The following TAF1 variants were observed in gnomAD, a reference collection of about 807,000 sequenced individuals.
TAF1 encodes TATA-box binding protein associated factor 1, also known as transcription initiation factor TFIID subunit 1.
In TAF1, 2 loss-of-function variants were observed where a neutral mutation model predicts 138.5. The ratio of observed to expected loss-of-function variants is 0.01; its 90% CI spans 0.01 to 0.05. The LOEUF (loss-of-function observed/expected upper bound fraction) is 0.05. TAF1 is among the 10% of genes least tolerant of loss of function. The pLI, the probability that TAF1 is intolerant of heterozygous loss-of-function variation, is 1.00. For missense variants in TAF1, 709 were observed against 1,478.0 expected, an observed-to-expected ratio of 0.48 and a Z score of 8.53; for synonymous variants, 437 against 503.2, an observed-to-expected ratio of 0.87 and a Z score of 1.76.
chrX:71,498,386 T>G (rs772415537), intron 13 of TAF1, among the ~76,000 whole-genome samples: 284 of 112,008 alleles, frequency 2.5e-3, no homozygotes, highest in Non-Finnish European at 4.4e-3. Context: ...ATAGAGGAAT[T>G]ACTGCCTCAT....
chrX:71,371,087 T>G (rs1297112637), intron 3 of TAF1, among the ~76,000 whole-genome samples: 1 of 111,819 alleles, frequency 8.9e-6, no homozygotes, highest in Non-Finnish European at 1.9e-5. Flanking sequence ...AGTTATAATT[T>G]CCAGGTTTGT....
At chrX:71,444,288 G>A (rs751345174) in intron 32 of TAF1, among the ~76,000 whole-genome samples, 1 of 112,425 alleles carries the variant, frequency 8.9e-6, no homozygotes, top group East Asian at 2.8e-4. Flanking sequence ...GACTACAGTC[G>A]TGAGCCACCT....
chrX:71,422,677 C>T (rs1390182573), intron 29 of TAF1, among the ~76,000 whole-genome samples: 1 of 110,831 alleles, frequency 9.0e-6, no homozygotes, highest in African/African-American at 3.3e-5. Context: ...TTCAAAGTTA[C>T]ACTTTCTGGG....
chrX:71,393,164 G>T, intron 20 of TAF1, 137 bp from the exon 21 acceptor site: 1 of 1,069,727 alleles, frequency 9.3e-7, no homozygotes, highest in South Asian at 2.3e-5. Context: ...GCTTTGGGGT[G>T]ATTTTTCTTT....
At chrX:71,530,173 TCTTTA>T (rs1318676465) in exon 15 of TAF1, 1 of 130,662 alleles carries the variant, frequency 7.7e-6, no homozygotes, top group African/African-American at 3.2e-5. Flanking sequence ...ATCAGTTTCT[TCTTTA>T]CTTTTATTCA....
rs779870273 is a variant in TAF1 at position 71,463,920 on chromosome X, TGAG to T, written c.5505_5507del (p.Glu1837del). On this transcript the variant is annotated inframe_deletion, in exon 38 of 38. Transcript: ENST00000423759. ...ATGAGGTATCAGAGGAGGAAGAAGA[TGAG>T]GAGGAGGAAGAGCAGCGCTCTGGGC... 32 of 1,207,231 alleles carry T rather than the reference TGAG, an allele frequency of 2.7e-5. No individual in the cohort carries two copies. Among genetic ancestry groups the T allele is most frequent in the South Asian group, 2.0e-4 (11 of 56,176 alleles).
intron 32 of TAF1, among the ~76,000 whole-genome samples, chrX:71,439,235 A>G (rs1421466853): frequency 9.0e-6 from 1 of 111,431 alleles, no homozygotes; most frequent in African/African-American, 3.3e-5. Flanking sequence ...TCACTCATTT[A>G]CAATTTCCAA....
At chrX:71,382,709 G>C in intron 10 of TAF1, 46 bp downstream of exon 10, 1 of 1,203,812 alleles carries the variant, frequency 8.3e-7, no homozygotes, top group Non-Finnish European at 1.1e-6. Flanking sequence ...AACAAAGAAA[G>C]GTAATAGAGA....
chrX:71,432,600 A>G (rs1485066260), intron 32 of TAF1, among the ~76,000 whole-genome samples: 2 of 109,562 alleles, frequency 1.8e-5, no homozygotes, highest in African/African-American at 6.6e-5. Flanking sequence ...GATAAAATTG[A>G]TTCAGGATTG....
intron 29 of TAF1, among the ~76,000 whole-genome samples, chrX:71,421,852 G>A (rs756042645): frequency 8.9e-6 from 1 of 112,122 alleles, no homozygotes; most frequent in Non-Finnish European, 1.9e-5. Flanking sequence ...ACCTACAAAA[G>A]TGTAAGTATG....
chrX:71,428,096 C>T (rs1356187881), intron 32 of TAF1, among the ~76,000 whole-genome samples: 2 of 99,002 alleles, frequency 2.0e-5, no homozygotes, highest in Non-Finnish European at 4.1e-5. Context: ...GCTCACTGCA[C>T]CCTCCGCCTC....
intron 8 of TAF1, among the ~76,000 whole-genome samples, chrX:71,381,004 AT>A (rs2033850810): frequency 9.0e-6 from 1 of 111,435 alleles, no homozygotes; most frequent in African/African-American, 3.3e-5. Flanking sequence ...AAAATGTCTG[AT>A]TTTTAAAACC....
At chrX:71,404,675 C>A (rs1412772418) in intron 25 of TAF1, among the ~76,000 whole-genome samples, 1 of 111,303 alleles carries the variant, frequency 9.0e-6, no homozygotes, top group Admixed American at 9.7e-5. Flanking sequence ...TATACTGATA[C>A]CTCCAATTTA....
chrX:71,406,190 G>T (rs750678392), intron 25 of TAF1, among the ~76,000 whole-genome samples: 7 of 109,729 alleles, frequency 6.4e-5, no homozygotes, highest in Non-Finnish European at 7.6e-5. Flanking sequence ...TTAGCTGTGC[G>T]TGGTGGTGGG....
chrX:71,383,558 ATAT>A (rs2034026247), intron 12 of TAF1, among the ~76,000 whole-genome samples: 1 of 112,173 alleles, frequency 8.9e-6, no homozygotes, highest in Non-Finnish European at 1.9e-5. Context: ...AAATAGCATA[ATAT>A]TTGCACATAA....
intron 28 of TAF1, among the ~76,000 whole-genome samples, chrX:71,412,056 G>T (rs765876754): frequency 1.8e-5 from 2 of 110,159 alleles, no homozygotes; most frequent in Non-Finnish European, 3.8e-5. Context: ...ACCACGCCCG[G>T]CTGGCTAAAG....
intron 28 of TAF1, among the ~76,000 whole-genome samples, chrX:71,410,582 C>T (rs905501363): frequency 6.5e-5 from 7 of 107,066 alleles, no homozygotes; most frequent in East Asian, 5.9e-4. Flanking sequence ...TTCAGCCTCC[C>T]GAGTAGCTGG....
At chrX:71,471,346 T>TACACACACACACAC (rs1189459686) in intron 13 of TAF1, among the ~76,000 whole-genome samples, 1 of 95,674 alleles carries the variant, frequency 1.0e-5, no homozygotes, top group Non-Finnish European at 2.1e-5. Flanking sequence ...TATATATATA[T>TACACACACACACAC]ACACACACAC....
At chrX:71,527,310 T>G (rs1422840327) in intron 13 of TAF1, among the ~76,000 whole-genome samples, 1 of 103,658 alleles carries the variant, frequency 9.6e-6, no homozygotes, top group Non-Finnish European at 1.9e-5. Context: ...TGCTTGAACC[T>G]GAGAGGCGGA....
Sources: gnomAD v4.1 joint callset for allele counts (sites outside exome capture counted in the v4.1 genomes callset) on GRCh38, gnomAD v4.1.1 for gene constraint, MANE v1.5 for transcripts, NCBI Gene and HGNC (gene_info 2026-07-23, HGNC 2026-07-21) for gene names.